The following GALNT17 variants were observed in gnomAD, a reference collection of about 807,000 sequenced individuals.
GALNT17 encodes the protein UDP-GalNAc:polypeptide N-acetylgalactosaminyltransferase-like 3.
Under a neutral mutation model 63.7 loss-of-function variants are expected in GALNT17, and 29 were observed. The observed-to-expected ratio is 0.46, with a 90% CI of 0.34 to 0.62. The LOEUF is 0.62. Among genes scored for constraint, GALNT17 ranks in the 20% least tolerant of loss-of-function variants. The pLI is 0.01. For synonymous variants in GALNT17, 305 were observed against 318.3 expected, an observed-to-expected ratio of 0.96 and a Z score of 0.45; for missense variants, 603 against 799.6, an observed-to-expected ratio of 0.75 and a Z score of 2.97.
At chr7:71,536,155 T>A (rs1220908188) in intron 5 of GALNT17, among the ~76,000 whole-genome samples, 1 of 152,212 alleles carries the variant, frequency 6.6e-6, no homozygotes, top group African/African-American at 2.4e-5. Flanking sequence ...TCTACTTCGG[T>A]GACTGCTCTT....
intron 5 of GALNT17, among the ~76,000 whole-genome samples, chr7:71,495,088 C>G (rs1439314033): frequency 2.0e-5 from 3 of 152,106 alleles, no homozygotes; most frequent in African/African-American, 7.2e-5. Flanking sequence ...CTGGCTAACA[C>G]ATAGTGAAAC....
chr7:71,682,487 C>A lies in GALNT17; in HGVS notation c.1500+5181C>A, dbSNP rs932492063. 2.6e-5 allele frequency among the ~76,000 whole-genome samples: 4 copies of A among 152,320 alleles called. No homozygotes were observed. In the East Asian group the frequency reaches 7.7e-4, roughly 29 times the overall value. ...TTCTGCCCAGTGGGAACCTGATAGA[C>A]CAGCAGGAATGCCTGGATGGCATAA... On this transcript the variant is annotated intron_variant, in intron 9 of 10. Transcript: ENST00000333538.
chr7:71,693,879 A>G (rs1791500148), intron 9 of GALNT17, among the ~76,000 whole-genome samples: 1 of 151,862 alleles, frequency 6.6e-6, no homozygotes. Context: ...CTGGAGCAAG[A>G]CCCCAGTTAT....
chr7:71,336,032 CTTTTTTTTTTTTTTTT>C lies in GALNT17; in HGVS notation c.422+313_422+328del, dbSNP rs1167623885. ...CCTTCTTCTTCCTTCTTCTTTCTTC[CTTTTTTTTTTTTTTTT>C]TTTTTTTTTTTTTGAGACAGAGTGT... On this transcript the variant is annotated intron_variant, in intron 2 of 10. Coordinates refer to ENST00000333538, the MANE Select transcript of GALNT17 (RefSeq NM_022479.3). Among the ~76,000 whole-genome samples the C allele has an allele frequency of 6.3e-3, 134 of 21,302 alleles. 1 individual carries two copies. Among genetic ancestry groups the C allele is most frequent in the African/African-American group, 0.025 (130 of 5,254 alleles). 14.0% of individuals were successfully genotyped at this position (21,302 alleles called of 152,430 possible).
intron 5 of GALNT17, among the ~76,000 whole-genome samples, chr7:71,502,673 T>C (rs546223980): frequency 2.7e-4 from 41 of 152,294 alleles, no homozygotes; most frequent in African/African-American, 9.9e-4. Context: ...ATCTTCCCAG[T>C]GTCAACCACG....
intron 1 of GALNT17, among the ~76,000 whole-genome samples, chr7:71,195,431 G>A (rs942083339): frequency 6.6e-6 from 1 of 150,710 alleles, no homozygotes; most frequent in Non-Finnish European, 1.5e-5. Flanking sequence ...ACCTAGGTTG[G>A]AGTGCAGTGG....
chr7:71,696,687 C>T (rs519598), intron 9 of GALNT17, among the ~76,000 whole-genome samples: 152,298 of 152,298 alleles, frequency 1, 76,149 homozygotes, highest in Non-Finnish European at 1. Context: ...AAAATTCTTT[C>T]CCCCTAAATG....
At position 71,553,856 on chromosome 7, in the gene GALNT17, G is replaced by A. The variant is rs185444179; in HGVS notation, c.963-17429G>A. 1.7e-3 allele frequency among the ~76,000 whole-genome samples: 259 copies of A among 152,266 alleles called. 1 individual carries two copies. Among genetic ancestry groups the A allele is most frequent in the African/African-American group, 6.0e-3 (248 of 41,556 alleles). ...GACAGGCTGTTATTTGTTAAGGGTC[G>A]CTCTTCCCCCTTGAAAGTTCTCCCT... On this transcript the variant is annotated intron_variant, in intron 5 of 10. Transcript: ENST00000333538.
chr7:71,664,164 T>C (rs1402868365), intron 6 of GALNT17, among the ~76,000 whole-genome samples: 2 of 152,162 alleles, frequency 1.3e-5, no homozygotes, highest in Admixed American at 6.5e-5. Context: ...ATCCTTGGGC[T>C]TTTGCATCCC....
chr7:71,187,419 T>A (rs1277105376), intron 1 of GALNT17, among the ~76,000 whole-genome samples: 2 of 151,930 alleles, frequency 1.3e-5, no homozygotes, highest in African/African-American at 4.8e-5. Flanking sequence ...AGATCTGGCA[T>A]AAAGACTGAG....
chr7:71,260,860 T>C (rs1209659091), intron 1 of GALNT17, among the ~76,000 whole-genome samples: 1 of 152,218 alleles, frequency 6.6e-6, no homozygotes, highest in African/African-American at 2.4e-5. Flanking sequence ...TGCCTCAGCC[T>C]CCCAAAGTGC....
intron 6 of GALNT17, among the ~76,000 whole-genome samples, chr7:71,577,433 G>GCA (rs1007823664): frequency 6.6e-6 from 1 of 151,940 alleles, no homozygotes; most frequent in South Asian, 2.1e-4. Context: ...ACAAACACAC[G>GCA]CACACACACG....
intron 1 of GALNT17, among the ~76,000 whole-genome samples, chr7:71,271,182 A>G (rs7793970): frequency 0.5 from 76,727 of 152,048 alleles, 19,799 homozygotes; most frequent in Non-Finnish European, 0.54. Flanking sequence ...TTTGCTTTCA[A>G]TACTTCCTGC....
chr7:71,683,563 G>C (rs535273306), intron 9 of GALNT17, among the ~76,000 whole-genome samples: 2 of 152,134 alleles, frequency 1.3e-5, no homozygotes, highest in Non-Finnish European at 2.9e-5. Flanking sequence ...GTAATTTCCT[G>C]TCTTGCAGCA....
intron 6 of GALNT17, among the ~76,000 whole-genome samples, chr7:71,603,324 G>T: frequency 1.3e-5 from 2 of 150,404 alleles, no homozygotes; most frequent in East Asian, 2.0e-4. Flanking sequence ...CTATGCTAGT[G>T]CATATACCAG....
intron 2 of GALNT17, among the ~76,000 whole-genome samples, chr7:71,359,953 T>G (rs904676277): frequency 3.3e-5 from 5 of 152,168 alleles, no homozygotes; most frequent in African/African-American, 1.2e-4. Context: ...ATCTCCCCAC[T>G]TGGTTTTAAG....
chr7:71,710,745 T>C lies in GALNT17; in HGVS notation c.1501-16T>C. The C allele has an allele frequency of 2.5e-6, 4 of 1,611,060 alleles. No individual in the cohort carries two copies. The highest frequency in any genetic ancestry group is 3.4e-6 in the Non-Finnish European group (4 of 1,179,604). On this transcript the variant is annotated splice_polypyrimidine_tract_variant and intron_variant, in intron 9 of 10. Transcript: ENST00000333538. ...CCTCCCACTTCCATTCCCCTGCTGC[T>C]CTGGTCTCTCGACAGCTTGCCCGCT... is the stretch of plus-strand genomic sequence containing the variant.
chr7:71,386,951 T>C (rs1015377966), intron 2 of GALNT17, among the ~76,000 whole-genome samples: 2 of 152,096 alleles, frequency 1.3e-5, no homozygotes, highest in South Asian at 2.1e-4. Context: ...AGTAGATGCC[T>C]TCATTTGGGT....
rs111851668 is a variant in GALNT17, at chr7:71,397,941, TTTGTTGTTGTTGTTGTTGTTG to T, written c.589+9558_589+9578del. On this transcript the variant is annotated intron_variant, in intron 3 of 10. Transcript: ENST00000333538. ...TTGATGGTTTTGCTCCATTATTGTC[TTTGTTGTTGTTGTTGTTGTTG>T]TTGTTGTTGTTGTTGTTTTAGAAGA... 5.5e-3 allele frequency among the ~76,000 whole-genome samples: 833 copies of T among 150,806 alleles called. 15 individuals carry two copies. The highest frequency in any genetic ancestry group is 0.039 in the Admixed American group (592 of 15,124).
Sources: allele counts gnomAD v4.1 joint callset (sites outside exome capture counted in the v4.1 genomes callset), GRCh38; gene constraint gnomAD v4.1.1; transcripts MANE v1.5; gene names NCBI Gene and HGNC (gene_info 2026-07-23, HGNC 2026-07-21).